Variants in SPATA9 observed in about 807,000 individuals in gnomAD.
SPATA9 encodes spermatogenesis-associated protein 9.
SPATA9 carries 27 observed loss-of-function variants against 25.5 expected under a neutral mutation model. The observed-to-expected ratio is 1.06, with a 90% CI of 0.78 to 1.46. The LOEUF is 1.46. SPATA9 is among the 40% of genes most tolerant of loss of function. The probability of loss-of-function intolerance (pLI) is 0.00; values close to 1 mark genes in which losing one functional copy is unlikely to be tolerated. For missense variants in SPATA9, 282 were observed against 297.5 expected (o/e 0.95, Z 0.38); for synonymous variants, 102 against 105.7 (o/e 0.97, Z 0.21).
upstream of SPATA9, among the ~76,000 whole-genome samples, chr5:95,700,101 C>A (rs1422291007): frequency 6.6e-6 from 1 of 151,770 alleles, no homozygotes; most frequent in African/African-American, 2.4e-5. Context: ...GAGGAATGAT[C>A]AAAGGGGTGA....
chr5:95,672,445 G>T (rs902961046), intron 3 of SPATA9, among the ~76,000 whole-genome samples: 1 of 149,926 alleles, frequency 6.7e-6, no homozygotes, highest in African/African-American at 2.5e-5. Context: ...CACCACCAAG[G>T]CCAAAAGAGG....
the SPATA9 span, chr5:95,731,620 C>G: frequency 1.2e-6 from 2 of 1,606,068 alleles, no homozygotes; most frequent in Admixed American, 1.7e-5. Flanking sequence ...CGCCCGGGGG[C>G]CCCGCGAAGC....
At chr5:95,731,363 G>A in the SPATA9 span, 2 of 1,142,426 alleles carry the variant, frequency 1.8e-6, no homozygotes, top group Non-Finnish European at 2.1e-6. Context: ...GCCAGCCGAG[G>A]AGGCGCGGCG....
chr5:95,694,154 A>G (rs763409352), intron 1 of SPATA9, among the ~76,000 whole-genome samples: 1 of 152,016 alleles, frequency 6.6e-6, no homozygotes. Flanking sequence ...AGCAAGACCT[A>G]GTCTCAAAAA....
At chr5:95,721,888 A>C in the SPATA9 span, among the ~76,000 whole-genome samples, 1 of 152,220 alleles carries the variant, frequency 6.6e-6, no homozygotes, top group African/African-American at 2.4e-5. Flanking sequence ...AGAACTGCCA[A>C]CCTAATATAT....
chr5:95,696,097 G>A (rs1486284295), intron 1 of SPATA9, among the ~76,000 whole-genome samples: 1 of 152,122 alleles, frequency 6.6e-6, no homozygotes, highest in Non-Finnish European at 1.5e-5. Flanking sequence ...CTCACCCAGT[G>A]AAGCCTTAAG....
the SPATA9 span, chr5:95,731,055 G>A: frequency 4.5e-4 from 477 of 1,064,354 alleles, 9 homozygotes; most frequent in Non-Finnish European, 9.5e-5. Flanking sequence ...TTACGGCCTT[G>A]CGAGTTGAAC....
intron 4 of SPATA9, among the ~76,000 whole-genome samples, chr5:95,663,279 CTTTA>C (rs778600103): frequency 5.3e-5 from 8 of 152,030 alleles, no homozygotes; most frequent in Non-Finnish European, 8.8e-5. Context: ...TACTATATGA[CTTTA>C]TTTATATAGA....
chr5:95,707,014 T>C, the SPATA9 span, among the ~76,000 whole-genome samples: 1 of 152,146 alleles, frequency 6.6e-6, no homozygotes, highest in South Asian at 2.1e-4. Flanking sequence ...ACCCTACTGT[T>C]TTTGGCCCTG....
At chr5:95,715,504 T>C in the SPATA9 span, among the ~76,000 whole-genome samples, 17 of 152,062 alleles carry the variant, frequency 1.1e-4, no homozygotes, top group African/African-American at 4.1e-4. Context: ...GAAACTCTTT[T>C]CAAAAAATGA....
the SPATA9 span, chr5:95,731,971 G>A: frequency 1.2e-5 from 19 of 1,614,068 alleles, no homozygotes; most frequent in South Asian, 1.9e-4. Context: ...CTCCGGGGAC[G>A]AGAGCAGCTT....
chr5:95,720,422 A>G, the SPATA9 span, among the ~76,000 whole-genome samples: 1 of 152,234 alleles, frequency 6.6e-6, no homozygotes, highest in East Asian at 1.9e-4. Context: ...GGACTGAGGA[A>G]TTTATATTAG....
intron 1 of SPATA9, among the ~76,000 whole-genome samples, chr5:95,693,715 G>T (rs540246627): frequency 1.3e-5 from 2 of 151,920 alleles, no homozygotes; most frequent in African/African-American, 4.8e-5. Flanking sequence ...TCTTATTTTC[G>T]CCTTAGAAAA....
upstream of SPATA9, among the ~76,000 whole-genome samples, chr5:95,699,111 T>C (rs1038677036): frequency 3.3e-5 from 5 of 152,170 alleles, no homozygotes; most frequent in African/African-American, 1.2e-4. Flanking sequence ...TTTTGCCAGG[T>C]TGAGGTTCTG....
downstream of SPATA9, chr5:95,652,829 C>G (rs1398909081): frequency 8.0e-6 from 3 of 373,866 alleles, no homozygotes; most frequent in Non-Finnish European, 1.4e-5. Context: ...AAGCCACCAC[C>G]TTTTTCATGG....
At chr5:95,709,889 T>C in the SPATA9 span, among the ~76,000 whole-genome samples, 1 of 152,176 alleles carries the variant, frequency 6.6e-6, no homozygotes, top group South Asian at 2.1e-4. Context: ...GCTTGATCTG[T>C]TAGGCTTTGA....
chr5:95,684,237 C>T (rs888912992), upstream of SPATA9, among the ~76,000 whole-genome samples: 9 of 152,190 alleles, frequency 5.9e-5, no homozygotes, highest in Admixed American at 1.3e-4. Flanking sequence ...TGAATACACA[C>T]GCTGGGAGTC....
At chr5:95,713,419 T>A in the SPATA9 span, 1 of 151,904 alleles carries the variant, frequency 6.6e-6, no homozygotes, top group Non-Finnish European at 1.5e-5. Flanking sequence ...AGTGAGTGAG[T>A]TCTCAGGAGA....
chr5:95,718,673 C>T, the SPATA9 span, among the ~76,000 whole-genome samples: 1 of 152,212 alleles, frequency 6.6e-6, no homozygotes, highest in Non-Finnish European at 1.5e-5. Flanking sequence ...CAATATTTTA[C>T]AACCCAGATA....
Sources: gnomAD v4.1 joint callset for allele counts (sites outside exome capture counted in the v4.1 genomes callset) on GRCh38, gnomAD v4.1.1 for gene constraint, MANE v1.5 for transcripts, NCBI Gene and HGNC (gene_info 2026-07-23, HGNC 2026-07-21) for gene names.